The following GLG1 variants were observed in gnomAD, a reference collection of about 807,000 sequenced individuals.
GLG1 encodes Golgi apparatus protein 1.
Under a neutral mutation model 160.5 loss-of-function variants are expected in GLG1, and 38 were observed. That is an observed-to-expected ratio of 0.24 (90% CI 0.18 to 0.31). The LOEUF is 0.31. GLG1 is among the 10% of genes least tolerant of loss of function. GLG1 has a pLI of 1.00. For synonymous variants in GLG1, 644 were observed against 543.4 expected (o/e 1.19, Z -2.57); for missense variants, 1,373 against 1,505.2 (o/e 0.91, Z 1.45).
At chr16:74,471,105 A>G (rs2015192839) in intron 15 of GLG1, 68 bp downstream of exon 15, 2 of 900,704 alleles carry the variant, frequency 2.2e-6, no homozygotes, top group African/African-American at 1.6e-5. Flanking sequence ...TGATGTTCCA[A>G]AAAAGGAAAG....
chr16:74,581,693 C>CT (rs1966777084), intron 1 of GLG1, among the ~76,000 whole-genome samples: 1 of 152,026 alleles, frequency 6.6e-6, no homozygotes, highest in East Asian at 1.9e-4. Context: ...GGCAGATCAC[C>CT]TGAGGTCAGG....
intron 3 of GLG1, among the ~76,000 whole-genome samples, chr16:74,507,634 G>A (rs2016659068): frequency 6.6e-6 from 1 of 152,044 alleles, no homozygotes; most frequent in Admixed American, 6.6e-5. Context: ...TACTTGGGAG[G>A]CTGAGGCAGG....
intron 1 of GLG1, among the ~76,000 whole-genome samples, chr16:74,536,287 G>A (rs1418738760): frequency 1.3e-5 from 2 of 152,192 alleles, no homozygotes; most frequent in Non-Finnish European, 2.9e-5. Context: ...TGAATAGCAT[G>A]AGGAATAACA....
chr16:74,561,889 T>C (rs2018523784), intron 1 of GLG1, among the ~76,000 whole-genome samples: 1 of 152,152 alleles, frequency 6.6e-6, no homozygotes, highest in Non-Finnish European at 1.5e-5. Context: ...AACATATACA[T>C]TGGTGTGGTG....
intron 1 of GLG1, among the ~76,000 whole-genome samples, chr16:74,546,132 G>C (rs185985179): frequency 6.6e-6 from 1 of 152,234 alleles, no homozygotes; most frequent in African/African-American, 2.4e-5. Context: ...CTTCAGGAGA[G>C]TACTGGGAAA....
chr16:74,602,274 C>A (rs1266760201), intron 1 of GLG1, among the ~76,000 whole-genome samples: 1 of 151,970 alleles, frequency 6.6e-6, no homozygotes, highest in Non-Finnish European at 1.5e-5. Context: ...ACTGATATAT[C>A]AAGAAAAGGT....
chr16:74,466,895 G>C (rs2015019395), intron 18 of GLG1, among the ~76,000 whole-genome samples: 1 of 152,186 alleles, frequency 6.6e-6, no homozygotes, highest in African/African-American at 2.4e-5. Flanking sequence ...GACGGACTCA[G>C]ATGCTCCAAT....
Position 74,591,315 on chromosome 16 carries a change from A to G in GLG1, c.438+15342T>C, listed in dbSNP as rs1248181876. ...CACTGCACTCCAGCCTGGGTGACAAAGCAAGACTCCATCTCAAAAAAAAAA... is the reference window on the plus strand; with the variant it reads ...CACTGCACTCCAGCCTGGGTGACAAGGCAAGACTCCATCTCAAAAAAAAAA... On this transcript the variant is annotated intron_variant, in intron 1 of 25. Coordinates refer to ENST00000422840, the MANE Select transcript of GLG1 (RefSeq NM_001145667.2). 2.0e-5 allele frequency among the ~76,000 whole-genome samples: 3 copies of G among 149,444 alleles called. No homozygotes were observed. The East Asian group carries it at 5.9e-4, about 29-fold the overall frequency.
In GLG1 at chr16:74,507,298, G is replaced by T. The variant is rs117643527; in HGVS notation, c.558+1541C>A. The stretch of plus-strand genomic sequence containing the variant: ...TGGAAACCAGCCTAATGCAAAGAGT[G>T]AAATTATTCTAGTGAATATGTACAT... On this transcript the variant is annotated intron_variant, in intron 3 of 25. Transcript: ENST00000422840. Among the ~76,000 whole-genome samples the T allele has an allele frequency of 2.0e-5, 3 of 152,250 alleles. No individual in the cohort carries two copies. In the East Asian group the frequency reaches 5.8e-4, roughly 29 times the overall value.
chr16:74,453,403 T>G (rs570855311), intron 25 of GLG1, 69 bp from the exon 26 acceptor site: 1 of 969,664 alleles, frequency 1.0e-6, no homozygotes, highest in Admixed American at 2.2e-5. Context: ...AGGTCTAACT[T>G]ATCCCTCTCA....
At chr16:74,585,751 A>C (rs1458305790) in intron 1 of GLG1, among the ~76,000 whole-genome samples, 1 of 151,890 alleles carries the variant, frequency 6.6e-6, no homozygotes, top group Admixed American at 6.6e-5. Context: ...AATTATGACA[A>C]ATAAAGTTTA....
At position 74,607,000 on chromosome 16, in the gene GLG1, C is replaced by G. The variant is rs1226044065; in HGVS notation, c.95G>C (p.Gly32Ala). 1.9e-6 allele frequency: 3 copies of G among 1,605,172 alleles called. No individual in the cohort carries two copies. Among genetic ancestry groups the G allele is most frequent in the Non-Finnish European group, 1.7e-6 (2 of 1,177,846 alleles). ...LFAAGAEKLP[G>A]QGVHSQGQGP... ...CTGGCCCTGGCTGTGGACGCCCTGG[C>G]CGGGGAGTTTCTCGGCCCCGGCCGC... Residue 32 changes from glycine (G) to alanine (A), a missense_variant, in exon 1 of 26, where the codon GGC (glycine) becomes GCC (alanine). Gly to Ala is a moderately conservative substitution (Grantham distance 60). This residue lies in a region of GLG1 where 322 missense variants were observed against 254.6 expected (regional missense o/e 1.26). Transcript: ENST00000422840.
intron 25 of GLG1, among the ~76,000 whole-genome samples, chr16:74,453,712 G>C (rs547351541): frequency 6.6e-6 from 1 of 152,244 alleles, no homozygotes; most frequent in East Asian, 1.9e-4. Context: ...CCATACTCTG[G>C]ATGGAGAATC....
At chr16:74,510,149 G>A (rs1424230767) in intron 2 of GLG1, among the ~76,000 whole-genome samples, 2 of 150,260 alleles carry the variant, frequency 1.3e-5, no homozygotes, top group Non-Finnish European at 3.0e-5. Context: ...CTCCTGCCTC[G>A]GCCTCCCGAG....
At chr16:74,596,185 G>A (rs772302942) in intron 1 of GLG1, among the ~76,000 whole-genome samples, 17 of 152,098 alleles carry the variant, frequency 1.1e-4, no homozygotes, top group Middle Eastern at 3.2e-3. Context: ...TCATGCCACT[G>A]CCCTCCAGCC....
In GLG1 at chr16:74,472,352, G is replaced by A; in HGVS notation, c.2112C>T (p.Cys704=). The A allele has an allele frequency of 6.2e-7, 1 of 1,608,650 alleles. No individual in the cohort carries two copies. Among genetic ancestry groups the A allele is most frequent in the Non-Finnish European group, 8.5e-7 (1 of 1,175,092 alleles). The change falls in exon 14 of 26, where the codon TGC becomes TGT. Residue 704 remains cysteine (C), a synonymous_variant. Transcript: ENST00000422840. The part of the protein sequence containing the change: ...RACEPIIQNF[C]HDVADNQIDS... ...TGCTCCTCCAGACATCACTTACGTG[G>A]CAGAAGTTCTGAATTATGGGCTCAC...
intron 1 of GLG1, among the ~76,000 whole-genome samples, 185 bp downstream of exon 1, chr16:74,606,472 G>T (rs1958568771): frequency 6.6e-6 from 1 of 152,196 alleles, no homozygotes; most frequent in South Asian, 2.1e-4. Context: ...GCGGGGGAAA[G>T]AAGGAGTGGG....
intron 9 of GLG1, among the ~76,000 whole-genome samples, chr16:74,484,245 C>G (rs1300126559): frequency 2.0e-5 from 3 of 152,158 alleles, no homozygotes; most frequent in Non-Finnish European, 4.4e-5. Context: ...GGACTATACT[C>G]ACTTTGTTGT....
chr16:74,482,263 A>T (rs962377204), intron 10 of GLG1, among the ~76,000 whole-genome samples: 2 of 152,158 alleles, frequency 1.3e-5, no homozygotes, highest in Admixed American at 6.5e-5. Flanking sequence ...AACTGCTGGG[A>T]TTATAGGTGT....
Sources: allele counts gnomAD v4.1 joint callset (sites outside exome capture counted in the v4.1 genomes callset), GRCh38; gene constraint gnomAD v4.1.1; regional missense constraint gnomAD v4.1.1; transcripts MANE v1.5; gene names NCBI Gene and HGNC (gene_info 2026-07-23, HGNC 2026-07-21).